Variants in NUP210 observed in about 807,000 individuals in gnomAD.
NUP210 encodes the protein nuclear pore membrane glycoprotein 210.
A neutral mutation model predicts 196.0 loss-of-function variants in NUP210; 151 were observed. The observed-to-expected ratio is 0.77, with a 90% CI of 0.67 to 0.88. The LOEUF (loss-of-function observed/expected upper bound fraction) is 0.88. NUP210 is among the 40% of genes least tolerant of loss of function. The probability of loss-of-function intolerance (pLI) is 0.00; values close to 1 mark genes in which losing one functional copy is unlikely to be tolerated. For missense variants in NUP210, 2,314 were observed against 2,493.7 expected, an observed-to-expected ratio of 0.93 and a Z score of 1.53; for synonymous variants, 1,070 against 1,052.7, an observed-to-expected ratio of 1.02 and a Z score of -0.32.
intron 1 of NUP210, among the ~76,000 whole-genome samples, chr3:13,404,677 G>C (rs545614829): frequency 6.6e-6 from 1 of 152,314 alleles, no homozygotes; most frequent in East Asian, 1.9e-4. Flanking sequence ...TCTGCTATCA[G>C]GGCCACGCAG....
intron 26 of NUP210, 195 bp from the exon 27 acceptor site, chr3:13,337,113 T>G (rs929777493): frequency 1.7e-5 from 9 of 543,452 alleles, no homozygotes; most frequent in South Asian, 1.5e-4. Context: ...TTCCCCATAC[T>G]GTCCCTCCCC....
chr3:13,351,672 T>G (rs1332963885), intron 20 of NUP210: 4 of 535,416 alleles, frequency 7.5e-6, no homozygotes, highest in Non-Finnish European at 1.3e-5. Context: ...TTTTCTTTTT[T>G]TTTTTGTAGA....
At chr3:13,343,339 T>TGGGGGGGGGGGGGGGGGGGG in intron 20 of NUP210, 36 bp from the exon 21 acceptor site, 2 of 282,512 alleles carry the variant, frequency 7.1e-6, no homozygotes, top group Non-Finnish European at 6.1e-6. Flanking sequence ...GGGTGGGTGG[T>TGGGGGGGGGGGGGGGGGGGG]GGGTTACGCA....
In NUP210 at chr3:13,420,186, G is replaced by A. The variant is rs1271559481; in HGVS notation, c.41C>T (p.Ser14Leu). The change falls in exon 1 of 40, where the codon TCG becomes TTG. Residue 14 changes from serine to leucine, a missense_variant. Ser to Leu is a moderately radical substitution (Grantham distance 145). Coordinates refer to ENST00000254508, the MANE Select transcript of NUP210 (RefSeq NM_024923.4). The surrounding 1 kb of genome is among the most constrained non-coding windows in gnomAD (Gnocchi z 4.8). ...RGRGLLLLTL[S>L]VLLAAGPSAA... ...GGAGGGGCCCGCCGCCAACAGCACC[G>A]ACAGCGTCAGCAGCAGCAGCCCCCG... 3 of 1,237,360 alleles carry A rather than the reference G, an allele frequency of 2.4e-6. No homozygotes were observed. Among genetic ancestry groups the A allele is most frequent in the African/African-American group, 3.2e-5 (2 of 63,114 alleles). 76.6% of individuals were successfully genotyped at this position (1,237,360 alleles called of 1,614,324 possible).
At chr3:13,337,970 G>A (rs1697293156) in intron 25 of NUP210, 53 bp from the exon 26 acceptor site, 1 of 1,535,150 alleles carries the variant, frequency 6.5e-7, no homozygotes, top group African/African-American at 1.4e-5. Context: ...GGCCAGGGAT[G>A]TTTCAGGAAG....
At chr3:13,371,694 G>A in intron 13 of NUP210, 140 bp downstream of exon 13, 5 of 758,516 alleles carry the variant, frequency 6.6e-6, no homozygotes, top group Non-Finnish European at 1.1e-5. Context: ...TGTGGATCAG[G>A]AGACAACTGC....
chr3:13,366,491 G>T (rs2124901888), intron 13 of NUP210, among the ~76,000 whole-genome samples: 1 of 150,684 alleles, frequency 6.6e-6, no homozygotes, highest in African/African-American at 2.4e-5. Flanking sequence ...TTCATCCCAG[G>T]CTTGATCCTT....
intron 9 of NUP210, 30 bp downstream of exon 9, chr3:13,377,426 C>G: frequency 6.6e-7 from 1 of 1,514,030 alleles, no homozygotes; most frequent in Non-Finnish European, 9.2e-7. Flanking sequence ...CCACCTCATC[C>G]CCCCAGCCAG....
At chr3:13,372,063 C>T (rs1228302194) in intron 12 of NUP210, 31 bp from the exon 13 acceptor site, 2 of 1,523,370 alleles carry the variant, frequency 1.3e-6, no homozygotes, top group African/African-American at 1.4e-5. Context: ...CTGGGCTCAG[C>T]TGCCTCCACA....
chr3:13,346,014 C>T (rs1273442332), intron 20 of NUP210, among the ~76,000 whole-genome samples: 3 of 152,228 alleles, frequency 2.0e-5, no homozygotes, highest in Admixed American at 6.5e-5. Flanking sequence ...CAGGGCAATG[C>T]AGGGAAGGGC....
In NUP210 at chr3:13,371,926, C is replaced by T; in HGVS notation, c.1694G>A (p.Gly565Asp). 1 of 1,608,416 alleles carries T rather than the reference C, an allele frequency of 6.2e-7. No individual in the cohort carries two copies. The highest frequency in any genetic ancestry group is 8.5e-7 in the Non-Finnish European group (1 of 1,177,642). ...LPLRISGLMP[G>D]GASEVVTLSD... is the part of the protein sequence containing the mutation. ...CAAGGTGACCACCTCACTGGCCCCG[C>T]CGGGCATGAGGCCACTGATCCTCAG... Residue 565 changes from glycine (G) to aspartate (D), a missense_variant, in exon 13 of 40, where the codon GGC becomes GAC. Gly to Asp is a moderately conservative substitution (Grantham distance 94). Coordinates refer to ENST00000254508, the MANE Select transcript of NUP210 (RefSeq NM_024923.4).
chr3:13,317,679 G>A lies in NUP210; in HGVS notation c.*2C>T. The A allele has an allele frequency of 6.2e-7, 1 of 1,601,990 alleles. No individual in the cohort carries two copies. Among genetic ancestry groups the A allele is most frequent in the Non-Finnish European group, 8.5e-7 (1 of 1,173,560 alleles). On this transcript the variant is annotated 3_prime_UTR_variant, in exon 40 of 40. Transcript: ENST00000254508. ...CCCATCCTCCGGGAACCTTCACGCG[G>A]CCTAGTGGGAGGCATAGGCTGGGCT...
intron 23 of NUP210, among the ~76,000 whole-genome samples, chr3:13,341,343 C>A (rs1193963452): frequency 6.6e-6 from 1 of 152,212 alleles, no homozygotes; most frequent in Admixed American, 6.5e-5. Context: ...GTGCCCACTG[C>A]CCTCGAAGTG....
At position 13,342,093 on chromosome 3, in the gene NUP210, C is replaced by T. The variant is rs374386657; in HGVS notation, c.2995G>A (p.Val999Ile). The change falls in exon 22 of 40, where the codon GTC becomes ATC. Residue 999 changes from valine (V) to isoleucine (I), a missense_variant. Physicochemically the swap from Val to Ile is conservative, Grantham distance 29. Transcript: ENST00000254508. ...VEIGKTVKAY[V>I]RVLDLHKKPF... ...TTCTTGTGCAAGTCCAGCACGCGGA[C>T]GTATGCCTTCACTGTCTTCCCAATC... 31 of 1,614,046 alleles carry T rather than the reference C, an allele frequency of 1.9e-5. No individual in the cohort carries two copies. The highest frequency in any genetic ancestry group is 2.5e-5 in the Non-Finnish European group (29 of 1,180,032).
At chr3:13,322,541 T>A (rs571930231) in intron 34 of NUP210, among the ~76,000 whole-genome samples, 1 of 152,238 alleles carries the variant, frequency 6.6e-6, no homozygotes, top group Non-Finnish European at 1.5e-5. Context: ...GAGGATGCCA[T>A]CGGCATCACA....
At chr3:13,401,228 C>T (rs1451809256) in intron 1 of NUP210, among the ~76,000 whole-genome samples, 1 of 130,774 alleles carries the variant, frequency 7.6e-6, no homozygotes, top group South Asian at 2.3e-4. Context: ...CCATTGCATT[C>T]CAGCCTGGGC....
chr3:13,337,342 G>C (rs912376693), intron 26 of NUP210, among the ~76,000 whole-genome samples: 1 of 152,226 alleles, frequency 6.6e-6, no homozygotes, highest in Admixed American at 6.5e-5. Flanking sequence ...GTGTCGGCTT[G>C]AGGGCACAGG....
intron 25 of NUP210, among the ~76,000 whole-genome samples, chr3:13,339,179 G>A (rs570397611): frequency 4.6e-5 from 7 of 152,312 alleles, no homozygotes; most frequent in Non-Finnish European, 2.9e-5. Flanking sequence ...CAGCCTCTGA[G>A]AACAAGCATT....
chr3:13,387,096 C>T (rs1043477968), intron 5 of NUP210, among the ~76,000 whole-genome samples: 2 of 152,238 alleles, frequency 1.3e-5, no homozygotes, highest in African/African-American at 4.8e-5. Flanking sequence ...AACATTTCCT[C>T]AGGTGAAGGC....
Sources: gnomAD v4.1 joint callset for allele counts (sites outside exome capture counted in the v4.1 genomes callset) on GRCh38, gnomAD v4.1.1 for gene constraint, Gnocchi (gnomAD v3.1) non-coding constraint, MANE v1.5 for transcripts, NCBI Gene and HGNC (gene_info 2026-07-23, HGNC 2026-07-21) for gene names.